SP140L: variants seen among roughly 807,000 people sequenced by gnomAD.
SP140L encodes nuclear body protein SP140-like protein.
Under a neutral mutation model 84.3 loss-of-function variants are expected in SP140L, and 64 were observed. The observed-to-expected ratio is 0.76, with a 90% CI of 0.62 to 0.94. The LOEUF (loss-of-function observed/expected upper bound fraction) is 0.94. SP140L is among the 40% of genes least tolerant of loss of function. The probability of loss-of-function intolerance (pLI) is 0.00; values close to 1 mark genes in which losing one functional copy is unlikely to be tolerated. For missense variants in SP140L, 628 were observed against 692.5 expected (o/e 0.91, Z 1.05); for synonymous variants, 242 against 236.9 (o/e 1.02, Z -0.20).
rs1429361574 is a variant in SP140L at position 230,359,045 on chromosome 2, A to G, written c.352A>G (p.Asn118Asp). 1.2e-6 allele frequency: 2 copies of G among 1,613,766 alleles called. No homozygotes were observed. The highest frequency in any genetic ancestry group is 2.7e-5 in the African/African-American group (2 of 74,914). ...TCTCAGTGAACTGGAGAAGACATTT[A>G]ACCTGTCAGTTTTGGAAGCACTGTT... ...NVLSELEKTF[N>D]LSVLEALFSE... The change falls in exon 4 of 19, where the codon AAC becomes GAC. Residue 118 changes from asparagine (N) to aspartate (D), a missense_variant. This residue lies in a region of SP140L where 525 missense variants were observed against 518.4 expected (regional missense o/e 1.01). Coordinates refer to ENST00000415673, the MANE Select transcript of SP140L (RefSeq NM_138402.6).
chr2:230,371,008 G>A (rs1178063644), intron 6 of SP140L, 41 bp downstream of exon 6: 2 of 1,575,938 alleles, frequency 1.3e-6, no homozygotes, highest in Non-Finnish European at 1.7e-6. Context: ...TGGCTCAGTG[G>A]GCCCCACAGA....
At chr2:230,373,805 C>T (rs1486603739) in intron 7 of SP140L, among the ~76,000 whole-genome samples, 1 of 152,190 alleles carries the variant, frequency 6.6e-6, no homozygotes, top group East Asian at 1.9e-4. Flanking sequence ...AGTGATTCCT[C>T]TGATGAATCT....
intron 5 of SP140L, 37 bp downstream of exon 5, chr2:230,361,734 T>G (rs1445898308): frequency 1.3e-6 from 2 of 1,489,074 alleles, no homozygotes; most frequent in Non-Finnish European, 1.8e-6. Context: ...TCTCATCCGC[T>G]AAGAGGAAAA....
At chr2:230,368,103 T>A (rs1000645006) in intron 5 of SP140L, among the ~76,000 whole-genome samples, 2 of 152,240 alleles carry the variant, frequency 1.3e-5, no homozygotes, top group African/African-American at 4.8e-5. Flanking sequence ...TTTTATTAGT[T>A]AGCATCTTCT....
intron 4 of SP140L, among the ~76,000 whole-genome samples, chr2:230,360,307 T>C (rs1259237483): frequency 6.6e-6 from 1 of 152,178 alleles, no homozygotes; most frequent in East Asian, 1.9e-4. Context: ...AGGAAGATGG[T>C]GAACGGTCTG....
chr2:230,347,178 G>A (rs1161539931), intron 2 of SP140L, among the ~76,000 whole-genome samples: 1 of 152,158 alleles, frequency 6.6e-6, no homozygotes, highest in East Asian at 1.9e-4. Flanking sequence ...TGGCTCGCCT[G>A]TATGGTTTGT....
At chr2:230,370,996 G>T (rs756198070) in intron 6 of SP140L, 29 bp downstream of exon 6, 14 of 1,608,602 alleles carry the variant, frequency 8.7e-6, no homozygotes, top group Non-Finnish European at 1.2e-5. Context: ...TGTGGGATGG[G>T]GTGGCTCAGT....
intron 9 of SP140L, among the ~76,000 whole-genome samples, chr2:230,385,866 A>G (rs2061560326): frequency 6.6e-6 from 1 of 152,176 alleles, no homozygotes; most frequent in Admixed American, 6.5e-5. Flanking sequence ...GTCTTCTCTT[A>G]TTCTGTCTTG....
In SP140L at chr2:230,388,552, T is replaced by G; in HGVS notation, c.785-7T>G. ...GTAACTGTGATTTTATTATTCTACT[T>G]TCTCAGGGAGAAAGAGAGGCAAACC... On this transcript the variant is annotated splice_polypyrimidine_tract_variant and splice_region_variant and intron_variant, in intron 9 of 18. Coordinates refer to ENST00000415673, the MANE Select transcript of SP140L (RefSeq NM_138402.6). The G allele has an allele frequency of 6.2e-7, 1 of 1,603,086 alleles. No individual in the cohort carries two copies. Among genetic ancestry groups the G allele is most frequent in the Non-Finnish European group, 8.5e-7 (1 of 1,176,278 alleles).
At chr2:230,363,077 C>T (rs1435100869) in intron 5 of SP140L, among the ~76,000 whole-genome samples, 1 of 152,054 alleles carries the variant, frequency 6.6e-6, no homozygotes, top group Non-Finnish European at 1.5e-5. Flanking sequence ...GTATTAAGTG[C>T]ATTTTTGACT....
rs374688236 is a variant in SP140L, at chr2:230,357,899, A to G, written c.202A>G (p.Ile68Val). Reference protein sequence around the residue: ...KRHKLEISNAIKKTFPFLEGL... With the variant: ...KRHKLEISNAVKKTFPFLEGL... ...ACATAAGCTGGAGATATCAAATGCAATAAAAAAGACATTTCCATTCCTTGA... is the reference window on the plus strand; with the variant it reads ...ACATAAGCTGGAGATATCAAATGCAGTAAAAAAGACATTTCCATTCCTTGA... The change falls in exon 3 of 19, where the codon ATA (isoleucine) becomes GTA (valine). Residue 68 changes from isoleucine to valine, a missense_variant. Coordinates refer to ENST00000415673, the MANE Select transcript of SP140L (RefSeq NM_138402.6). 1.9e-6 allele frequency: 3 copies of G among 1,614,008 alleles called. No homozygotes were observed. Among genetic ancestry groups the G allele is most frequent in the East Asian group, 2.2e-5 (1 of 44,896 alleles).
At chr2:230,358,175 C>T (rs1259336051) in intron 3 of SP140L, among the ~76,000 whole-genome samples, 1 of 152,010 alleles carries the variant, frequency 6.6e-6, no homozygotes, top group Non-Finnish European at 1.5e-5. Context: ...CAGCTGTTCT[C>T]CATAAATGTA....
chr2:230,398,491 A>G (rs1259624264), intron 14 of SP140L, among the ~76,000 whole-genome samples: 1 of 152,270 alleles, frequency 6.6e-6, no homozygotes, highest in African/African-American at 2.4e-5. Flanking sequence ...CATTTGCTAC[A>G]AGAACCACCA....
chr2:230,396,880 G>T lies in SP140L; in HGVS notation c.1197+82G>T, dbSNP rs575824119. The T allele has an allele frequency of 5.0e-5, 77 of 1,538,524 alleles. 1 individual carries two copies. In the South Asian group the frequency reaches 7.8e-4, roughly 16 times the overall value. On this transcript the variant is annotated intron_variant, in intron 14 of 18. Coordinates refer to ENST00000415673, the MANE Select transcript of SP140L (RefSeq NM_138402.6). ...TATGTTCTGTGTCATGACTGCTGTT[G>T]CCTGAAGCATGTTCAGTCTCAGTTG...
intron 2 of SP140L, among the ~76,000 whole-genome samples, chr2:230,351,813 A>G (rs2060373205): frequency 6.6e-6 from 1 of 152,010 alleles, no homozygotes; most frequent in Non-Finnish European, 1.5e-5. Flanking sequence ...CATCTGGCTA[A>G]TTTTTGTATT....
chr2:230,348,291 C>T (rs931468017), intron 2 of SP140L, among the ~76,000 whole-genome samples: 2 of 152,318 alleles, frequency 1.3e-5, no homozygotes, highest in Middle Eastern at 3.4e-3. Flanking sequence ...GTAACAGTAA[C>T]GTGATAGTTA....
intron 15 of SP140L, 21 bp from the exon 16 acceptor site, chr2:230,400,934 C>T (rs1245035303): frequency 6.8e-7 from 1 of 1,477,172 alleles, no homozygotes; most frequent in Non-Finnish European, 9.2e-7. Context: ...GCCCTCTGCT[C>T]ACCCATGTCC....
intron 5 of SP140L, among the ~76,000 whole-genome samples, chr2:230,364,352 T>C (rs1182872793): frequency 6.6e-6 from 1 of 152,154 alleles, no homozygotes; most frequent in East Asian, 1.9e-4. Context: ...ATTTTAGAGT[T>C]TTCAGTGTAC....
chr2:230,396,262 C>T (rs2062043094), intron 13 of SP140L, among the ~76,000 whole-genome samples: 1 of 152,196 alleles, frequency 6.6e-6, no homozygotes, highest in Non-Finnish European at 1.5e-5. Context: ...TTTCTTCCCT[C>T]AGTAGATATA....
Sources: gnomAD v4.1 joint callset for allele counts (sites outside exome capture counted in the v4.1 genomes callset) on GRCh38, gnomAD v4.1.1 for gene constraint, gnomAD v4.1.1 regional missense constraint, MANE v1.5 for transcripts, NCBI Gene and HGNC (gene_info 2026-07-23, HGNC 2026-07-21) for gene names.